CCDC13: variants seen among roughly 807,000 people sequenced by gnomAD.
CCDC13 encodes coiled-coil domain-containing protein 13.
A neutral mutation model predicts 87.3 loss-of-function variants in CCDC13; 70 were observed. The ratio of observed to expected loss-of-function variants is 0.80; its 90% CI spans 0.66 to 0.98. CCDC13 has a LOEUF of 0.98. Ranked by LOEUF, CCDC13 falls within the 50% of genes least tolerant of loss-of-function variation. The pLI is 0.00. For missense variants in CCDC13, 842 were observed against 892.0 expected (o/e 0.94, Z 0.71); for synonymous variants, 317 against 360.3 (o/e 0.88, Z 1.36).
intron 14 of CCDC13, among the ~76,000 whole-genome samples, chr3:42,710,567 C>T (rs1025926310): frequency 7.9e-5 from 12 of 152,136 alleles, no homozygotes; most frequent in African/African-American, 1.9e-4. Context: ...AAGTGGCCCA[C>T]GGTGGGGTGG....
intron 3 of CCDC13, among the ~76,000 whole-genome samples, chr3:42,755,957 G>GT (rs1699695849): frequency 6.6e-6 from 1 of 152,220 alleles, no homozygotes; most frequent in Non-Finnish European, 1.5e-5. Flanking sequence ...ACCAGGCTGA[G>GT]TGTAGGCTTC....
At chr3:42,743,353 G>C (rs1381560519) in intron 7 of CCDC13, among the ~76,000 whole-genome samples, 1 of 151,982 alleles carries the variant, frequency 6.6e-6, no homozygotes, top group Admixed American at 6.6e-5. Context: ...ACCAGGGATG[G>C]ATAGGATGGC....
At chr3:42,712,523 C>T (rs1698336193) in intron 14 of CCDC13, among the ~76,000 whole-genome samples, 1 of 152,212 alleles carries the variant, frequency 6.6e-6, no homozygotes, top group Non-Finnish European at 1.5e-5. Context: ...CCTGGCTATG[C>T]CCAACTGTCT....
At chr3:42,768,894 T>C (rs1481535890) in intron 1 of CCDC13, among the ~76,000 whole-genome samples, 2 of 151,966 alleles carry the variant, frequency 1.3e-5, no homozygotes, top group African/African-American at 4.8e-5. Flanking sequence ...TCCCAGCACT[T>C]TGGGAGGCTG....
In CCDC13 at chr3:42,706,695, C is replaced by G. The variant is rs1371172868; in HGVS notation, c.*2285G>C. ...CTGCCTGTCTGCAGTTTTTCTTTCCCCTCTCTCTTATATAACTCTTGTTGA... is the reference window on the plus strand; with the variant it reads ...CTGCCTGTCTGCAGTTTTTCTTTCCGCTCTCTCTTATATAACTCTTGTTGA... On this transcript the variant is annotated 3_prime_UTR_variant, in exon 16 of 16. Transcript: ENST00000310232. 1 of 152,200 alleles carries G rather than the reference C, an allele frequency of 6.6e-6. No homozygotes were observed. Among genetic ancestry groups the G allele is most frequent in the Non-Finnish European group, 1.5e-5 (1 of 68,040 alleles). 9.4% of individuals were successfully genotyped at this position (152,200 alleles called of 1,614,324 possible). A position where few individuals can be genotyped will look rare whatever the true frequency, so the allele number is the denominator to read the frequency against.
intron 14 of CCDC13, among the ~76,000 whole-genome samples, chr3:42,711,248 A>G (rs925585102): frequency 1.7e-4 from 24 of 144,776 alleles, no homozygotes; most frequent in Admixed American, 1.6e-3. Context: ...TCTGTCTCCA[A>G]AAAAAAAAAA....
At chr3:42,756,663 G>T (rs1055013668) in intron 3 of CCDC13, among the ~76,000 whole-genome samples, 4 of 151,886 alleles carry the variant, frequency 2.6e-5, no homozygotes, top group African/African-American at 9.7e-5. Flanking sequence ...CTCACTGCAG[G>T]CTGCTGGGCC....
intron 1 of CCDC13, among the ~76,000 whole-genome samples, chr3:42,758,703 T>A (rs1559661445): frequency 6.6e-6 from 1 of 152,220 alleles, no homozygotes; most frequent in Non-Finnish European, 1.5e-5. Context: ...CTGGGACCAT[T>A]TCCAGACCAG....
chr3:42,718,825 G>C (rs971889795), intron 13 of CCDC13, among the ~76,000 whole-genome samples: 3 of 152,156 alleles, frequency 2.0e-5, no homozygotes. Flanking sequence ...AAAGGAAATA[G>C]ACTTCAGCAC....
At chr3:42,744,880 A>C (rs987419170) in intron 7 of CCDC13, 4 of 149,608 alleles carry the variant, frequency 2.7e-5, no homozygotes, top group African/African-American at 9.8e-5. Flanking sequence ...TTTTGTGCTT[A>C]TTATGGTCAG....
intron 13 of CCDC13, 51 bp from the exon 14 acceptor site, chr3:42,713,367 G>A (rs1300575892): frequency 1.3e-5 from 21 of 1,596,094 alleles, no homozygotes; most frequent in Non-Finnish European, 1.5e-5. Flanking sequence ...GCAGGGGCAG[G>A]CCCTACCCCA....
chr3:42,734,788 C>G (rs927745161), intron 10 of CCDC13, among the ~76,000 whole-genome samples: 1 of 152,158 alleles, frequency 6.6e-6, no homozygotes, highest in African/African-American at 2.4e-5. Flanking sequence ...AGAAATTCTC[C>G]CCAAGGACAC....
chr3:42,754,840 T>C (rs759453388), intron 3 of CCDC13, among the ~76,000 whole-genome samples: 27 of 152,282 alleles, frequency 1.8e-4, no homozygotes, highest in Non-Finnish European at 3.4e-4. Flanking sequence ...GTATTTTTTT[T>C]TCCTATTCTT....
intron 7 of CCDC13, 47 bp from the exon 8 acceptor site, chr3:42,743,104 C>A: frequency 6.2e-7 from 1 of 1,606,272 alleles, no homozygotes; most frequent in Non-Finnish European, 8.5e-7. Flanking sequence ...TTCTGCCAGC[C>A]TCTTCTACTC....
At chr3:42,761,516 A>G (rs1420877087) in intron 1 of CCDC13, among the ~76,000 whole-genome samples, 1 of 152,156 alleles carries the variant, frequency 6.6e-6, no homozygotes, top group Non-Finnish European at 1.5e-5. Flanking sequence ...CACCAGCTTC[A>G]CAATGGCAGG....
intron 10 of CCDC13, among the ~76,000 whole-genome samples, chr3:42,734,246 C>A (rs549067613): frequency 2.0e-5 from 3 of 152,358 alleles, no homozygotes; most frequent in Admixed American, 6.5e-5. Flanking sequence ...CCAGCCCCAC[C>A]CATTTTGAGA....
chr3:42,728,935 T>A (rs1222356890), intron 13 of CCDC13, among the ~76,000 whole-genome samples: 1 of 151,886 alleles, frequency 6.6e-6, no homozygotes, highest in African/African-American at 2.4e-5. Flanking sequence ...CCTCACCCAA[T>A]CCTAGCCCTG....
chr3:42,765,663 G>C (rs181777590), intron 1 of CCDC13, among the ~76,000 whole-genome samples: 104 of 152,332 alleles, frequency 6.8e-4, no homozygotes, highest in African/African-American at 2.4e-3. Flanking sequence ...GGCTGTCTGG[G>C]GAGAGAGAAG....
chr3:42,711,620 G>A (rs764514886), intron 14 of CCDC13, among the ~76,000 whole-genome samples: 4 of 152,198 alleles, frequency 2.6e-5, no homozygotes, highest in Non-Finnish European at 5.9e-5. Flanking sequence ...TTTCCCTCAG[G>A]GATCGGCAGG....
Sources: allele counts gnomAD v4.1 joint callset (sites outside exome capture counted in the v4.1 genomes callset), GRCh38; gene constraint gnomAD v4.1.1; transcripts MANE v1.5; gene names NCBI Gene and HGNC (gene_info 2026-07-23, HGNC 2026-07-21).